CHIC1: variants seen among roughly 807,000 people sequenced by gnomAD.
The protein encoded by CHIC1 is cysteine-rich hydrophobic domain-containing protein 1.
Under a neutral mutation model 18.5 loss-of-function variants are expected in CHIC1, and 7 were observed. The observed-to-expected ratio is 0.38, with a 90% CI of 0.22 to 0.71. The LOEUF (loss-of-function observed/expected upper bound fraction) is 0.71. Ranked by LOEUF, CHIC1 falls within the 30% of genes least tolerant of loss-of-function variation. The probability of loss-of-function intolerance (pLI) is 0.49; values close to 1 mark genes in which losing one functional copy is unlikely to be tolerated. For missense variants in CHIC1, 159 were observed against 176.9 expected (o/e 0.90, Z 0.57); for synonymous variants, 77 against 73.5 (o/e 1.05, Z -0.25).
In CHIC1 at chrX:73,598,684, G is replaced by A. The variant is rs1184392332; in HGVS notation, c.507+14112G>A. Among the ~76,000 whole-genome samples, 3 of 109,923 alleles carry A rather than the reference G, an allele frequency of 2.7e-5. No homozygotes were observed. The East Asian group carries it at 8.7e-4, about 32-fold the overall frequency. ...ACTCATCATTTTTTATGGCTGCATA[G>A]TATTCCACGGTGTATATGTGCCACA... On this transcript the variant is annotated intron_variant, in intron 3 of 5. Coordinates refer to ENST00000373502, the MANE Select transcript of CHIC1 (RefSeq NM_001039840.4).
At chrX:73,649,364 G>A (rs757001890) in intron 3 of CHIC1, among the ~76,000 whole-genome samples, 136 of 111,683 alleles carry the variant, frequency 1.2e-3, no homozygotes, top group African/African-American at 4.3e-3. Context: ...AACCTTAAAT[G>A]TAAATGAGCT....
At chrX:73,640,184 T>TAGTTTGATGGGAATAAC (rs2057848529) in intron 3 of CHIC1, among the ~76,000 whole-genome samples, 1 of 111,785 alleles carries the variant, frequency 8.9e-6, no homozygotes, top group Non-Finnish European at 1.9e-5. Flanking sequence ...AGATGTGTCT[T>TAGTTTGATGGGAATAAC]ATTACTTTAA....
intron 3 of CHIC1, among the ~76,000 whole-genome samples, chrX:73,629,031 G>C (rs1235398462): frequency 9.0e-6 from 1 of 111,116 alleles, no homozygotes; most frequent in African/African-American, 3.3e-5. Context: ...ATAGGTTTTA[G>C]GTAATACATC....
In CHIC1 at chrX:73,655,775, A is replaced by G. The variant is rs187133637; in HGVS notation, c.508-23551A>G. Among the ~76,000 whole-genome samples, 14 of 107,322 alleles carry G rather than the reference A, an allele frequency of 1.3e-4. No homozygotes were observed. In the East Asian group the frequency reaches 3.3e-3, roughly 25 times the overall value. 93.2% of individuals were successfully genotyped at this position (107,322 alleles called of 115,157 possible). On this transcript the variant is annotated intron_variant, in intron 3 of 5. Coordinates refer to ENST00000373502, the MANE Select transcript of CHIC1 (RefSeq NM_001039840.4). ...TTGTGAGTAGTGCTGCAATTAACATATGCATGCTTATCTTTATAATAGAAT... is the reference window on the plus strand; with the variant it reads ...TTGTGAGTAGTGCTGCAATTAACATGTGCATGCTTATCTTTATAATAGAAT...
intron 3 of CHIC1, among the ~76,000 whole-genome samples, chrX:73,603,962 CTT>C (rs2057665919): frequency 9.2e-6 from 1 of 108,311 alleles, no homozygotes; most frequent in African/African-American, 3.6e-5. Flanking sequence ...CTGAAATTTT[CTT>C]TTTTTGTTGT....
chrX:73,604,215 T>C (rs1473904477), intron 3 of CHIC1, among the ~76,000 whole-genome samples: 1 of 104,132 alleles, frequency 9.6e-6, no homozygotes, highest in African/African-American at 3.8e-5. Context: ...ATTTGACTTC[T>C]TCCTGGTTTA....
chrX:73,611,261 C>T (rs1381038433), intron 3 of CHIC1, among the ~76,000 whole-genome samples: 1 of 107,930 alleles, frequency 9.3e-6, no homozygotes, highest in Non-Finnish European at 1.9e-5. Context: ...TGAGTGAGAA[C>T]ATGCGGTGTT....
chrX:73,585,178 C>T (rs188426825), intron 3 of CHIC1, among the ~76,000 whole-genome samples: 1 of 111,639 alleles, frequency 9.0e-6, no homozygotes, highest in Admixed American at 9.5e-5. Flanking sequence ...TTTCCTAGTA[C>T]TGTATGAATG....
chrX:73,613,403 G>C (rs1482111235), intron 3 of CHIC1, among the ~76,000 whole-genome samples: 1 of 110,711 alleles, frequency 9.0e-6, no homozygotes, highest in African/African-American at 3.3e-5. Flanking sequence ...TGGTTTTGCT[G>C]GTTATTGAAA....
At chrX:73,605,332 T>G (rs1228658477) in intron 3 of CHIC1, among the ~76,000 whole-genome samples, 1 of 108,318 alleles carries the variant, frequency 9.2e-6, no homozygotes, top group Non-Finnish European at 1.9e-5. Context: ...CCTGCTTTTT[T>G]TGGCCTTCTA....
rs1409905213 is a variant in CHIC1, at chrX:73,675,499, C to G, written c.508-3827C>G. Reference sequence around the variant, plus strand: ...CCCATAATGTAATGGCCTTCTTTGTCTCTTTTGATCTTTGTTGGTTTAAAG... The same window carrying G: ...CCCATAATGTAATGGCCTTCTTTGTGTCTTTTGATCTTTGTTGGTTTAAAG... On this transcript the variant is annotated intron_variant, in intron 3 of 5. Coordinates refer to ENST00000373502, the MANE Select transcript of CHIC1 (RefSeq NM_001039840.4). 1.3e-4 allele frequency among the ~76,000 whole-genome samples: 15 copies of G among 111,595 alleles called. 1 individual carries two copies. The highest frequency in any genetic ancestry group is 1.1e-3 in the Admixed American group (12 of 10,550).
chrX:73,663,731 C>T (rs1285851079), intron 3 of CHIC1, among the ~76,000 whole-genome samples: 1 of 111,076 alleles, frequency 9.0e-6, no homozygotes, highest in African/African-American at 3.3e-5. Context: ...TTCAGATATA[C>T]TCCTGTGGCT....
At chrX:73,671,471 T>C (rs1393426168) in intron 3 of CHIC1, among the ~76,000 whole-genome samples, 2 of 111,970 alleles carry the variant, frequency 1.8e-5, no homozygotes, top group Non-Finnish European at 3.8e-5. Flanking sequence ...TCTTTTTCCT[T>C]TTATCTTGTT....
At chrX:73,581,629 C>T (rs958545911) in intron 2 of CHIC1, among the ~76,000 whole-genome samples, 1 of 110,787 alleles carries the variant, frequency 9.0e-6, no homozygotes, top group Non-Finnish European at 1.9e-5. Context: ...AGTCAAAATG[C>T]AGATTTTAGT....
At chrX:73,655,649 GTATATATATA>G (rs75147852) in intron 3 of CHIC1, among the ~76,000 whole-genome samples, 8 of 67,586 alleles carry the variant, frequency 1.2e-4, no homozygotes, top group African/African-American at 4.1e-4. Context: ...GTGTGTGTGT[GTATATATATA>G]TATATATATA....
chrX:73,593,012 T>G (rs1469400350), intron 3 of CHIC1, among the ~76,000 whole-genome samples: 1 of 111,069 alleles, frequency 9.0e-6, no homozygotes, highest in Non-Finnish European at 1.9e-5. Flanking sequence ...CATAATAATG[T>G]CTGAGGATCT....
intron 1 of CHIC1, among the ~76,000 whole-genome samples, chrX:73,571,568 A>G (rs2057470959): frequency 9.0e-6 from 1 of 111,460 alleles, no homozygotes; most frequent in Non-Finnish European, 1.9e-5. Flanking sequence ...GTAAAAATTC[A>G]TGCATAGTGG....
At chrX:73,609,247 C>T (rs1376205047) in intron 3 of CHIC1, among the ~76,000 whole-genome samples, 3 of 107,442 alleles carry the variant, frequency 2.8e-5, no homozygotes, top group Non-Finnish European at 5.7e-5. Context: ...TGAATAGAAG[C>T]GGTGAAAGTG....
intron 3 of CHIC1, among the ~76,000 whole-genome samples, chrX:73,632,151 T>C (rs779091789): frequency 3.2e-4 from 36 of 112,454 alleles, no homozygotes; most frequent in South Asian, 7.2e-4. Flanking sequence ...ATTTATGTGC[T>C]CTGAACTTGG....
Sources: gnomAD v4.1 joint callset for allele counts (sites outside exome capture counted in the v4.1 genomes callset) on GRCh38, gnomAD v4.1.1 for gene constraint, MANE v1.5 for transcripts, NCBI Gene and HGNC (gene_info 2026-07-23, HGNC 2026-07-21) for gene names.